MAML3: variants seen among roughly 807,000 people sequenced by gnomAD.
MAML3 encodes the protein mastermind like transcriptional coactivator 3.
MAML3 carries 27 observed loss-of-function variants against 101.9 expected under a neutral mutation model. That is an observed-to-expected ratio of 0.27 (90% CI 0.20 to 0.37). The LOEUF (loss-of-function observed/expected upper bound fraction) is 0.37. MAML3 is among the 10% of genes least tolerant of loss of function. The pLI, the probability that MAML3 is intolerant of heterozygous loss-of-function variation, is 1.00. For synonymous variants in MAML3, 501 were observed against 555.9 expected (o/e 0.90, Z 1.39); for missense variants, 1,316 against 1,444.9 (o/e 0.91, Z 1.45).
chr4:139,923,965 A>G (rs1733175848), intron 1 of MAML3, among the ~76,000 whole-genome samples: 1 of 152,214 alleles, frequency 6.6e-6, no homozygotes, highest in Non-Finnish European at 1.5e-5. Context: ...TCCAGACTGT[A>G]AAGTCTGTAG....
intron 1 of MAML3, among the ~76,000 whole-genome samples, chr4:139,968,810 C>T (rs985586389): frequency 2.0e-5 from 3 of 152,068 alleles, no homozygotes; most frequent in African/African-American, 7.2e-5. Flanking sequence ...TTCATTTGCA[C>T]ACACTTTAGT....
chr4:139,830,493 C>T (rs1731144324), intron 2 of MAML3, among the ~76,000 whole-genome samples: 1 of 147,968 alleles, frequency 6.8e-6, no homozygotes, highest in South Asian at 2.1e-4. Context: ...CGGCTCACTG[C>T]AAGCGCCGCC....
In MAML3 at chr4:139,720,363, C is replaced by T. The variant is rs1728187627; in HGVS notation, c.2417-40G>A. ...AGGACACATACCACTCACTCTTCTC[C>T]ATAAGCAATATACTGCAACAAGATG... On this transcript the variant is annotated intron_variant, in intron 4 of 4. Transcript: ENST00000509479. 1 of 1,497,076 alleles carries T rather than the reference C, an allele frequency of 6.7e-7. No individual in the cohort carries two copies. The highest frequency in any genetic ancestry group is 1.4e-5 in the African/African-American group (1 of 71,438). The allele number at this position is 1,497,076 out of a possible 1,614,324, so 92.7% of individuals were successfully genotyped here.
chr4:139,989,618 C>G lies in MAML3; in HGVS notation c.469-98651G>C, dbSNP rs1734619912. On this transcript the variant is annotated intron_variant, in intron 1 of 4. Transcript: ENST00000509479. Reference sequence around the variant, plus strand: ...CCCAGAAATGCTGCCTGCTTCCTATCCCACATGCAACACCAAGCCATTGGT... The same window carrying G: ...CCCAGAAATGCTGCCTGCTTCCTATGCCACATGCAACACCAAGCCATTGGT... Among the ~76,000 whole-genome samples the G allele has an allele frequency of 2.0e-5, 3 of 152,046 alleles. No homozygotes were observed. The South Asian group carries it at 6.2e-4, about 32-fold the overall frequency.
At chr4:140,055,540 A>G (rs1263832979) in intron 1 of MAML3, among the ~76,000 whole-genome samples, 3 of 152,254 alleles carry the variant, frequency 2.0e-5, no homozygotes, top group Admixed American at 1.3e-4. Flanking sequence ...TATTTTGCTT[A>G]TCTTGAATCT....
At chr4:139,833,247 G>A (rs1731200171) in intron 2 of MAML3, among the ~76,000 whole-genome samples, 1 of 149,530 alleles carries the variant, frequency 6.7e-6, no homozygotes, top group Non-Finnish European at 1.5e-5. Flanking sequence ...GGCTGGGGAA[G>A]ACAGAGAAAG....
intron 2 of MAML3, among the ~76,000 whole-genome samples, chr4:139,770,618 G>T (rs1440220894): frequency 3.3e-5 from 5 of 152,108 alleles, no homozygotes; most frequent in African/African-American, 1.2e-4. Context: ...GTTGCTCTTT[G>T]TTCCTAAAAA....
chr4:139,764,985 C>T (rs897251659), intron 2 of MAML3, among the ~76,000 whole-genome samples: 2 of 152,220 alleles, frequency 1.3e-5, no homozygotes, highest in African/African-American at 4.8e-5. Flanking sequence ...TGAGCCCAGC[C>T]TCAGTGTGAA....
intron 1 of MAML3, among the ~76,000 whole-genome samples, chr4:140,108,183 T>C (rs1170610217): frequency 2.6e-5 from 4 of 151,980 alleles, no homozygotes; most frequent in Admixed American, 6.6e-5. Context: ...CACGGCCTCA[T>C]TGTTCTATGT....
At chr4:139,734,764 C>G (rs941588796) in intron 2 of MAML3, among the ~76,000 whole-genome samples, 1 of 152,246 alleles carries the variant, frequency 6.6e-6, no homozygotes, top group African/African-American at 2.4e-5. Flanking sequence ...GAAGTGTTTT[C>G]AAGAACATGC....
chr4:139,880,432 T>C (rs1225809318), intron 2 of MAML3, among the ~76,000 whole-genome samples: 1 of 152,032 alleles, frequency 6.6e-6, no homozygotes, highest in African/African-American at 2.4e-5. Flanking sequence ...CTGGATTCAG[T>C]CAGTGAGGAG....
chr4:139,787,709 A>C (rs1277846260), intron 2 of MAML3, among the ~76,000 whole-genome samples: 1 of 152,240 alleles, frequency 6.6e-6, no homozygotes, highest in Non-Finnish European at 1.5e-5. Context: ...CAAGTTATCA[A>C]CCATGACTCT....
intron 2 of MAML3, among the ~76,000 whole-genome samples, chr4:139,805,811 T>C (rs1312726609): frequency 3.3e-5 from 5 of 152,168 alleles, no homozygotes; most frequent in East Asian, 1.9e-4. Flanking sequence ...TATGAGATGT[T>C]AGAACCTACT....
intron 3 of MAML3, among the ~76,000 whole-genome samples, chr4:139,726,860 G>A (rs1287536156): frequency 1.3e-5 from 2 of 152,154 alleles, no homozygotes; most frequent in Non-Finnish European, 2.9e-5. Context: ...TGTGCAAAGG[G>A]AAAGAAAATA....
intron 1 of MAML3, among the ~76,000 whole-genome samples, chr4:139,942,413 C>T (rs77419056): frequency 0.027 from 4,115 of 152,142 alleles, 166 homozygotes; most frequent in African/African-American, 0.084. Context: ...AAACATGTGG[C>T]CTGGAACCAC....
chr4:140,113,389 G>C (rs1438221604), intron 1 of MAML3, among the ~76,000 whole-genome samples: 1 of 152,196 alleles, frequency 6.6e-6, no homozygotes, highest in Non-Finnish European at 1.5e-5. Context: ...GCAAGGGAAG[G>C]AACTTGAGGT....
rs370823495 is a variant in MAML3, at chr4:139,770,354, A to ACC, written c.2080-39688_2080-39687insGG. Among the ~76,000 whole-genome samples the ACC allele has an allele frequency of 4.9e-4, 75 of 152,330 alleles. 1 individual carries two copies. In the Middle Eastern group the frequency reaches 0.01, roughly 21 times the overall value. On this transcript the variant is annotated intron_variant, in intron 2 of 4. Coordinates refer to ENST00000509479, the MANE Select transcript of MAML3 (RefSeq NM_018717.5). Reference sequence around the variant, plus strand: ...GACACTTCTGGCTTAAATGGATGGAAGCTTTAAGAGTTCAACCGTTGTTCC... The same window carrying ACC: ...GACACTTCTGGCTTAAATGGATGGAACCGCTTTAAGAGTTCAACCGTTGTTCC...
At chr4:139,857,884 C>T (rs1323790774) in intron 2 of MAML3, among the ~76,000 whole-genome samples, 2 of 152,226 alleles carry the variant, frequency 1.3e-5, no homozygotes, top group African/African-American at 4.8e-5. Context: ...ACCATTGTAG[C>T]TACTTTCCTC....
intron 1 of MAML3, among the ~76,000 whole-genome samples, chr4:139,973,220 G>A (rs537597033): frequency 2.7e-4 from 41 of 152,254 alleles, no homozygotes; most frequent in Admixed American, 3.3e-4. Context: ...GCCAGGCCGT[G>A]GGTCACTAAT....
Sources: allele counts gnomAD v4.1 joint callset (sites outside exome capture counted in the v4.1 genomes callset), GRCh38; gene constraint gnomAD v4.1.1; transcripts MANE v1.5; gene names NCBI Gene and HGNC (gene_info 2026-07-23, HGNC 2026-07-21).